Variants in POU2F1 observed in about 807,000 individuals in gnomAD.
POU2F1 encodes the protein POU domain, class 2, transcription factor 1.
POU2F1 carries 16 observed loss-of-function variants against 84.9 expected under a neutral mutation model. The ratio of observed to expected loss-of-function variants is 0.19; its 90% CI spans 0.13 to 0.29. POU2F1 has a LOEUF of 0.29. Ranked by LOEUF, POU2F1 falls within the 10% of genes least tolerant of loss-of-function variation. The pLI is 1.00. For missense variants in POU2F1, 738 were observed against 942.6 expected, an observed-to-expected ratio of 0.78 and a Z score of 2.84; for synonymous variants, 368 against 368.3, an observed-to-expected ratio of 1.00 and a Z score of 0.01.
chr1:167,389,100 A>G (rs748579530), intron 8 of POU2F1, among the ~76,000 whole-genome samples: 1 of 152,184 alleles, frequency 6.6e-6, no homozygotes, highest in Non-Finnish European at 1.5e-5. Context: ...TTTAAACTGC[A>G]GGTGGTTTAC....
chr1:167,284,463 C>G (rs183807216), intron 1 of POU2F1, among the ~76,000 whole-genome samples: 1 of 152,304 alleles, frequency 6.6e-6, no homozygotes, highest in Non-Finnish European at 1.5e-5. Flanking sequence ...GTATTGCACT[C>G]TTTCCATTGC....
rs1650917490 is a variant in POU2F1 at position 167,425,782 on chromosome 1, T to A, written c.*9972T>A. The A allele has an allele frequency of 6.6e-6, 1 of 152,254 alleles. No individual in the cohort carries two copies. The highest frequency in any genetic ancestry group is 1.5e-5 in the Non-Finnish European group (1 of 68,058). The allele number at this position is 152,254 out of a possible 1,614,324, so 9.4% of individuals were successfully genotyped here. A position where few individuals can be genotyped will look rare whatever the true frequency, so the allele number is the denominator to read the frequency against. ...CCTTCTGAGCCTTTTTTTCTTTTCC[T>A]GTACTGGAACTGCTTGGAAGTGGCT... On this transcript the variant is annotated 3_prime_UTR_variant, in exon 16 of 16. Coordinates refer to ENST00000367866, the MANE Select transcript of POU2F1 (RefSeq NM_002697.4).
At chr1:167,387,289 G>A in intron 8 of POU2F1, 1 of 452,664 alleles carries the variant, frequency 2.2e-6, no homozygotes, top group South Asian at 1.6e-5. Flanking sequence ...TGAGAATGGG[G>A]CTACTTCAGG....
chr1:167,358,092 G>A (rs540669409), intron 2 of POU2F1, among the ~76,000 whole-genome samples: 279 of 149,444 alleles, frequency 1.9e-3, no homozygotes, highest in African/African-American at 6.5e-3. Flanking sequence ...ATGAGCCACC[G>A]CATCTGGCCT....
chr1:167,381,800 G>T (rs371651271), intron 7 of POU2F1, among the ~76,000 whole-genome samples: 2 of 151,252 alleles, frequency 1.3e-5, no homozygotes, highest in African/African-American at 2.4e-5. Flanking sequence ...AGTAGAGATG[G>T]GGTTTCACCA....
chr1:167,290,623 A>T (rs996544638), intron 1 of POU2F1, among the ~76,000 whole-genome samples: 1 of 152,258 alleles, frequency 6.6e-6, no homozygotes, highest in East Asian at 1.9e-4. Flanking sequence ...GTGCCTATGC[A>T]TAGTAATCTC....
chr1:167,274,190 A>G (rs1050091060), intron 1 of POU2F1, among the ~76,000 whole-genome samples: 1 of 152,158 alleles, frequency 6.6e-6, no homozygotes, highest in Non-Finnish European at 1.5e-5. Flanking sequence ...GACTACTTTT[A>G]TTAGTTACGT....
At chr1:167,384,102 C>G (rs1478786363) in intron 8 of POU2F1, 151 bp downstream of exon 8, 3 of 608,924 alleles carry the variant, frequency 4.9e-6, no homozygotes, top group Non-Finnish European at 8.3e-6. Flanking sequence ...CAGCTCAATG[C>G]TACCAAATCA....
chr1:167,402,637 A>G (rs1649291122), intron 13 of POU2F1, among the ~76,000 whole-genome samples: 1 of 152,252 alleles, frequency 6.6e-6, no homozygotes, highest in African/African-American at 2.4e-5. Flanking sequence ...GACAGCTCCC[A>G]TCAACCTCCC....
chr1:167,230,250 C>T (rs1648961613), intron 1 of POU2F1, among the ~76,000 whole-genome samples: 1 of 152,190 alleles, frequency 6.6e-6, no homozygotes, highest in African/African-American at 2.4e-5. Flanking sequence ...ACTTTTTCCT[C>T]CATTGGAAGG....
At chr1:167,368,154 G>A (rs909866911) in intron 3 of POU2F1, among the ~76,000 whole-genome samples, 1 of 152,118 alleles carries the variant, frequency 6.6e-6, no homozygotes, top group Admixed American at 6.6e-5. Context: ...TGTCTGTTAA[G>A]TCTTCTTCAA....
At chr1:167,283,256 C>T (rs1244970592) in intron 1 of POU2F1, among the ~76,000 whole-genome samples, 1 of 151,738 alleles carries the variant, frequency 6.6e-6, no homozygotes, top group East Asian at 1.9e-4. Flanking sequence ...TTTGTGAGAC[C>T]CCTTTTTACA....
chr1:167,295,315 T>C (rs988955814), intron 1 of POU2F1, among the ~76,000 whole-genome samples: 3 of 152,162 alleles, frequency 2.0e-5, no homozygotes, highest in Admixed American at 2.0e-4. Context: ...AAAGAAAATG[T>C]GATATGTATA....
intron 2 of POU2F1, among the ~76,000 whole-genome samples, chr1:167,332,850 A>C (rs1470343945): frequency 1.3e-5 from 2 of 152,194 alleles, no homozygotes; most frequent in Admixed American, 1.3e-4. Flanking sequence ...GACTTTAGGC[A>C]ATTTCCCCAA....
intron 1 of POU2F1, among the ~76,000 whole-genome samples, chr1:167,308,428 C>A (rs1411985789): frequency 6.6e-6 from 1 of 152,022 alleles, no homozygotes. Context: ...GTCTTGTCTT[C>A]TGTAAAGTTG....
At chr1:167,255,734 G>T (rs1651083610) in intron 1 of POU2F1, among the ~76,000 whole-genome samples, 2 of 152,164 alleles carry the variant, frequency 1.3e-5, no homozygotes, top group Non-Finnish European at 2.9e-5. Flanking sequence ...TAAGGAGGTG[G>T]AATCTTTGAG....
rs188819401 is a variant in POU2F1 at position 167,231,605 on chromosome 1, A to G, written c.61+10647A>G. On this transcript the variant is annotated intron_variant, in intron 1 of 15. Coordinates refer to ENST00000367866, the MANE Select transcript of POU2F1 (RefSeq NM_002697.4). ...ATTTATAGAGCTTCTGCTCCTTGTA[A>G]TGTACTGAGCACTGGTGGTAGAGTA... Among the ~76,000 whole-genome samples the G allele has an allele frequency of 4.0e-3, 603 of 152,334 alleles. 11 individuals are homozygous for G. The highest frequency in any genetic ancestry group is 0.014 in the African/African-American group (580 of 41,574).
At chr1:167,269,225 A>C (rs1652187597) in intron 1 of POU2F1, among the ~76,000 whole-genome samples, 1 of 152,232 alleles carries the variant, frequency 6.6e-6, no homozygotes, top group South Asian at 2.1e-4. Context: ...GAAATTATTG[A>C]AATTTCATTT....
intron 1 of POU2F1, among the ~76,000 whole-genome samples, chr1:167,248,677 C>T (rs144435534): frequency 1.8e-4 from 27 of 152,188 alleles, no homozygotes; most frequent in East Asian, 1.7e-3. Context: ...TGGGATAAGG[C>T]GGTTGAGGGG....
Sources: gnomAD v4.1 joint callset for allele counts (sites outside exome capture counted in the v4.1 genomes callset) on GRCh38, gnomAD v4.1.1 for gene constraint, MANE v1.5 for transcripts, NCBI Gene and HGNC (gene_info 2026-07-23, HGNC 2026-07-21) for gene names.